Variants in SERGEF observed in about 807,000 individuals in gnomAD.
SERGEF encodes the protein secretion regulating guanine nucleotide exchange factor.
In SERGEF, 51 loss-of-function variants were observed where a neutral mutation model predicts 50.0. The observed-to-expected ratio is 1.02, with a 90% confidence interval of 0.81 to 1.29. The LOEUF is 1.29. Ranked by LOEUF, SERGEF falls within the 50% of genes most tolerant of loss-of-function variation. The pLI is 0.00. For missense variants in SERGEF, 521 were observed against 557.0 expected (o/e 0.94, Z 0.65); for synonymous variants, 205 against 212.4 (o/e 0.97, Z 0.30).
intron 8 of SERGEF, among the ~76,000 whole-genome samples, chr11:17,967,485 G>T (rs997662542): frequency 6.6e-6 from 1 of 152,198 alleles, no homozygotes; most frequent in African/African-American, 2.4e-5. Context: ...AAACATAGAA[G>T]TATTCCACAC....
intron 9 of SERGEF, among the ~76,000 whole-genome samples, chr11:17,943,221 A>G (rs928696381): frequency 6.6e-6 from 1 of 152,164 alleles, no homozygotes; most frequent in African/African-American, 2.4e-5. Flanking sequence ...TTCTTTGTGG[A>G]AAAGTTTTTG....
chr11:17,820,032 C>T (rs565822984), intron 10 of SERGEF, among the ~76,000 whole-genome samples: 5 of 152,048 alleles, frequency 3.3e-5, no homozygotes, highest in Non-Finnish European at 5.9e-5. Context: ...TTTGTAGAGG[C>T]GGGGTTTCAC....
chr11:17,959,533 G>A lies in SERGEF; in HGVS notation c.948C>T (p.Leu316=), dbSNP rs199646432. The change falls in exon 9 of 11, where the codon CTC becomes CTT. Residue 316 remains leucine, a synonymous_variant. Transcript: ENST00000265965. ...GWKLEKQDSF[L]PCSRPPNSMP... ...TGCTGTTCGGTGGTCTTGAACAGGG[G>A]AGAAATGAATCTTGCTTTTCTAGTT... 4.8e-5 allele frequency: 77 copies of A among 1,614,068 alleles called. No individual in the cohort carries two copies. The highest frequency in any genetic ancestry group is 3.3e-4 in the Middle Eastern group (2 of 6,062).
chr11:17,981,124 T>C (rs1016856658), intron 8 of SERGEF, among the ~76,000 whole-genome samples: 1 of 152,216 alleles, frequency 6.6e-6, no homozygotes, highest in Non-Finnish European at 1.5e-5. Flanking sequence ...GCCTGCAGTG[T>C]CTGGGTCACT....
At chr11:18,009,561 C>T (rs957008891) in intron 1 of SERGEF, among the ~76,000 whole-genome samples, 2 of 152,158 alleles carry the variant, frequency 1.3e-5, no homozygotes, top group African/African-American at 2.4e-5. Flanking sequence ...CTAAGGATTT[C>T]TTGCCTTAAA....
chr11:17,833,264 G>T (rs1461255280), intron 10 of SERGEF, among the ~76,000 whole-genome samples: 1 of 152,242 alleles, frequency 6.6e-6, no homozygotes, highest in Non-Finnish European at 1.5e-5. Flanking sequence ...CGTGGCTTCA[G>T]AGGGTGCGAA....
rs1353003863 is a variant in SERGEF at position 17,888,153 on chromosome 11, T to C, written c.1012-9909A>G. ...ACAGTTTCATCCCGAAACCATCCCA[T>C]CCCCACCTCTTCCAGGAAACCGGCC... On this transcript the variant is annotated intron_variant, in intron 9 of 10. Transcript: ENST00000265965. The surrounding 1 kb of genome is among the most constrained non-coding windows in gnomAD (Gnocchi z 4.1). Among the ~76,000 whole-genome samples the C allele has an allele frequency of 1.3e-5, 2 of 152,018 alleles. No homozygotes were observed. The highest frequency in any genetic ancestry group is 4.8e-5 in the African/African-American group (2 of 41,392).
At chr11:17,966,263 C>G (rs1237649500) in intron 8 of SERGEF, among the ~76,000 whole-genome samples, 2 of 151,842 alleles carry the variant, frequency 1.3e-5, no homozygotes, top group Non-Finnish European at 1.5e-5. Flanking sequence ...GTAAAAGGAA[C>G]AACGGAGAAG....
intron 8 of SERGEF, among the ~76,000 whole-genome samples, chr11:17,970,772 T>C (rs1490010325): frequency 6.6e-6 from 1 of 152,108 alleles, no homozygotes; most frequent in Non-Finnish European, 1.5e-5. Flanking sequence ...GCCACAACAT[T>C]CTCTTAAGCC....
At chr11:17,827,505 G>C (rs1850217773) in intron 10 of SERGEF, among the ~76,000 whole-genome samples, 1 of 152,214 alleles carries the variant, frequency 6.6e-6, no homozygotes, top group Non-Finnish European at 1.5e-5. Flanking sequence ...GAAATCTGCA[G>C]TGTATGTTCA....
intron 9 of SERGEF, among the ~76,000 whole-genome samples, chr11:17,927,445 A>G (rs757002872): frequency 1.2e-4 from 19 of 152,236 alleles, no homozygotes; most frequent in Non-Finnish European, 2.4e-4. Flanking sequence ...AAATGCAAGT[A>G]GGAAACCTTA....
chr11:17,907,662 G>A (rs1344444013), intron 9 of SERGEF, among the ~76,000 whole-genome samples: 3 of 152,176 alleles, frequency 2.0e-5, no homozygotes, highest in Non-Finnish European at 4.4e-5. Context: ...GGGAATGAGG[G>A]TTGCCTAAAG....
At chr11:17,879,870 A>T (rs1457404683) in intron 9 of SERGEF, among the ~76,000 whole-genome samples, 1 of 152,154 alleles carries the variant, frequency 6.6e-6, no homozygotes, top group Non-Finnish European at 1.5e-5. Context: ...AAAAAAATAA[A>T]ATAAAAAACT....
chr11:17,996,964 G>T (rs1440807927), intron 5 of SERGEF, among the ~76,000 whole-genome samples: 4 of 152,178 alleles, frequency 2.6e-5, no homozygotes, highest in Admixed American at 1.3e-4. Flanking sequence ...CCAGCATTTT[G>T]GGAGGCTGAC....
At chr11:17,796,838 G>A (rs918098948) in intron 10 of SERGEF, among the ~76,000 whole-genome samples, 3 of 152,188 alleles carry the variant, frequency 2.0e-5, no homozygotes, top group African/African-American at 7.2e-5. Flanking sequence ...CTCTGGGGAT[G>A]TTTCAGGTTT....
rs974492722 is a variant in SERGEF, at chr11:17,991,211, T to G, written c.685+1720A>C. On this transcript the variant is annotated intron_variant, in intron 7 of 10. Coordinates refer to ENST00000265965, the MANE Select transcript of SERGEF (RefSeq NM_012139.4). This position sits in a 1 kb window ranked among gnomAD's most constrained non-coding sequence, Gnocchi z 4.9. ...AATGAAACTTAAGTTCTTTGTATAC[T>G]TTAAAAGAAATTTAATTTCTTATAT... 2.0e-5 allele frequency among the ~76,000 whole-genome samples: 3 copies of G among 152,190 alleles called. No individual in the cohort carries two copies. Among genetic ancestry groups the G allele is most frequent in the African/African-American group, 7.2e-5 (3 of 41,464 alleles).
chr11:17,889,650 A>G (rs776771361), intron 9 of SERGEF, among the ~76,000 whole-genome samples: 22 of 152,222 alleles, frequency 1.4e-4, no homozygotes, highest in Non-Finnish European at 2.4e-4. Flanking sequence ...CATCATTGAG[A>G]CAACTGGAAA....
intron 7 of SERGEF, among the ~76,000 whole-genome samples, chr11:17,990,415 C>G (rs1288058006): frequency 6.6e-6 from 1 of 152,186 alleles, no homozygotes; most frequent in Non-Finnish European, 1.5e-5. Context: ...AGGTCAACCT[C>G]CTGGACTTCA....
In SERGEF at chr11:17,882,044, C is replaced by T. The variant is rs112787789; in HGVS notation, c.1012-3800G>A. Among the ~76,000 whole-genome samples the T allele has an allele frequency of 6.3e-3, 962 of 152,324 alleles. 12 individuals are homozygous for T. Among genetic ancestry groups the T allele is most frequent in the African/African-American group, 0.022 (906 of 41,562 alleles). On this transcript the variant is annotated intron_variant, in intron 9 of 10. Transcript: ENST00000265965. Reference sequence around the variant, plus strand: ...ACATTACTTTTCTCTAAGAACATCACGCAATTTCAGGCCTTTATGCATGCT... The same window carrying T: ...ACATTACTTTTCTCTAAGAACATCATGCAATTTCAGGCCTTTATGCATGCT...
Sources: allele counts gnomAD v4.1 joint callset (sites outside exome capture counted in the v4.1 genomes callset), GRCh38; gene constraint gnomAD v4.1.1; non-coding constraint Gnocchi (gnomAD v3.1); transcripts MANE v1.5; gene names NCBI Gene and HGNC (gene_info 2026-07-23, HGNC 2026-07-21).